Variants in ATG13 observed in about 807,000 individuals in gnomAD.
ATG13 encodes autophagy related 13.
Under a neutral mutation model 65.5 loss-of-function variants are expected in ATG13, and 23 were observed. That is an observed-to-expected ratio of 0.35 (90% CI 0.25 to 0.50). The LOEUF is 0.50. Ranked by LOEUF, ATG13 falls within the 20% of genes least tolerant of loss-of-function variation. The probability of loss-of-function intolerance (pLI) is 0.98; values close to 1 mark genes in which losing one functional copy is unlikely to be tolerated. For synonymous variants in ATG13, 252 were observed against 245.2 expected, an observed-to-expected ratio of 1.03 and a Z score of -0.26; for missense variants, 566 against 677.0, an observed-to-expected ratio of 0.84 and a Z score of 1.82.
At chr11:46,630,352 G>C (rs921625222) in intron 2 of ATG13, among the ~76,000 whole-genome samples, 1 of 152,160 alleles carries the variant, frequency 6.6e-6, no homozygotes, top group Non-Finnish European at 1.5e-5. Context: ...AATGGTTCCA[G>C]ACTGGAGGTT....
At position 46,633,457 on chromosome 11, in the gene ATG13, T is replaced by C. The variant is rs540105744; in HGVS notation, c.-14+3357T>C. 2.5e-3 allele frequency among the ~76,000 whole-genome samples: 377 copies of C among 151,592 alleles called. 2 individuals carry two copies. Among genetic ancestry groups the C allele is most frequent in the African/African-American group, 8.8e-3 (364 of 41,294 alleles). On this transcript the variant is annotated intron_variant, in intron 2 of 18. Coordinates refer to ENST00000683050, the MANE Select transcript of ATG13 (RefSeq NM_001346311.2). ...CCGCCCCCTGTATTCAAGTGATTCTTGTGCCTCAGCCTCTTGAGTAGCTGG... is the reference window on the plus strand; with the variant it reads ...CCGCCCCCTGTATTCAAGTGATTCTCGTGCCTCAGCCTCTTGAGTAGCTGG...
chr11:46,663,945 C>CTTTTTTTTTTTTTTTTTTTTTTTTTCT, intron 11 of ATG13, 52 bp from the exon 12 acceptor site: 1 of 763,270 alleles, frequency 1.3e-6, no homozygotes, highest in Non-Finnish European at 2.0e-6. Context: ...AGTCCCTTTT[C>CTTTTTTTTTTTTTTTTTTTTTTTTTCT]TTTTTTTTTT....
chr11:46,619,663 C>G (rs988333039), intron 1 of ATG13, among the ~76,000 whole-genome samples: 10 of 151,886 alleles, frequency 6.6e-5, no homozygotes, highest in African/African-American at 2.4e-4. Context: ...GCTGGGATTA[C>G]AGACATGAGC....
chr11:46,645,861 G>A lies in ATG13; in HGVS notation c.151-9G>A, dbSNP rs769242909. On this transcript the variant is annotated splice_polypyrimidine_tract_variant and intron_variant, in intron 4 of 18. Transcript: ENST00000683050. ...AGTGTTTCATGCAAAAGTCCCTTTT[G>A]TTTTCCAGTTCAACTTAGCAATCAA... The A allele has an allele frequency of 1.2e-6, 2 of 1,613,874 alleles. No homozygotes were observed. The highest frequency in any genetic ancestry group is 8.5e-7 in the Non-Finnish European group (1 of 1,179,926).
At chr11:46,648,310 G>C (rs1239180929) in intron 5 of ATG13, among the ~76,000 whole-genome samples, 1 of 152,128 alleles carries the variant, frequency 6.6e-6, no homozygotes, top group African/African-American at 2.4e-5. Flanking sequence ...TTACAGGCGT[G>C]AGCCACCATG....
intron 2 of ATG13, among the ~76,000 whole-genome samples, chr11:46,638,956 T>C (rs900992267): frequency 3.0e-4 from 45 of 151,836 alleles, no homozygotes; most frequent in African/African-American, 1.1e-3. Context: ...TACAGGCATG[T>C]GCCACCACAC....
intron 2 of ATG13, chr11:46,631,136 T>C (rs923408416): frequency 6.6e-6 from 1 of 152,238 alleles, no homozygotes. Context: ...GAAGATAATT[T>C]AGATAAATAT....
rs1565661308 is a variant in ATG13 at position 46,673,923 on chromosome 11, C to A, written c.*1591C>A. On this transcript the variant is annotated 3_prime_UTR_variant, in exon 19 of 19. Coordinates refer to ENST00000683050, the MANE Select transcript of ATG13 (RefSeq NM_001346311.2). ...CTGTTCCCACATACAAGGCTGACTT[C>A]TGAGGATTGGAGCAGGCTCTGGCGG... 1 of 152,204 alleles carries A rather than the reference C, an allele frequency of 6.6e-6. No individual in the cohort carries two copies. The highest frequency in any genetic ancestry group is 1.5e-5 in the Non-Finnish European group (1 of 68,056). 9.4% of individuals were successfully genotyped at this position (152,204 alleles called of 1,614,324 possible).
In ATG13 at chr11:46,674,467, A is replaced by G. The variant is rs1053889530; in HGVS notation, c.*2135A>G. The stretch of plus-strand genomic sequence containing the variant: ...CTACTTTGTTTGGAAATACCGAGCT[A>G]CACTTCAAAATGTATTCAAGGGATT... On this transcript the variant is annotated 3_prime_UTR_variant, in exon 19 of 19. Transcript: ENST00000683050. 6.6e-6 allele frequency: 1 copy of G among 152,142 alleles called. No individual in the cohort carries two copies. The highest frequency in any genetic ancestry group is 1.5e-5 in the Non-Finnish European group (1 of 68,042). The allele number at this position is 152,142 out of a possible 1,614,324, so 9.4% of individuals were successfully genotyped here.
At chr11:46,656,999 G>A in intron 8 of ATG13, 96 bp from the exon 9 acceptor site, 2 of 1,010,284 alleles carry the variant, frequency 2.0e-6, no homozygotes, top group Non-Finnish European at 3.1e-6. Context: ...TAATGCCAGA[G>A]ATTACACAAT....
chr11:46,657,774 A>C, intron 10 of ATG13, 152 bp downstream of exon 10: 1 of 641,774 alleles, frequency 1.6e-6, no homozygotes, highest in East Asian at 2.9e-5. Context: ...CAAATGGGCC[A>C]GTTTCCCTTC....
chr11:46,647,171 T>C (rs561027953), intron 5 of ATG13, among the ~76,000 whole-genome samples: 24 of 152,318 alleles, frequency 1.6e-4, no homozygotes, highest in African/African-American at 5.3e-4. Flanking sequence ...ATGGGAGATA[T>C]AACTGCAGTC....
At chr11:46,646,620 T>G (rs1014708597) in intron 5 of ATG13, among the ~76,000 whole-genome samples, 7 of 152,080 alleles carry the variant, frequency 4.6e-5, no homozygotes, top group African/African-American at 1.7e-4. Context: ...CCTACCACCA[T>G]GCCCAGCTAG....
In ATG13 at chr11:46,669,477, C is replaced by T. The variant is rs2063205152; in HGVS notation, c.1520C>T (p.Pro507Leu). ...TTCTATCGGGAGTTTCAGAACCCACCTCAGCTGAGCAGCCTCTCCATAGAT... is the reference window on the plus strand; with the variant it reads ...TTCTATCGGGAGTTTCAGAACCCACTTCAGCTGAGCAGCCTCTCCATAGAT... ...GTFYREFQNP[P>L]QLSSLSIDIG... Residue 507 changes from proline to leucine, a missense_variant, in exon 18 of 19, where the codon CCT (proline) becomes CTT (leucine). Coordinates refer to ENST00000683050, the MANE Select transcript of ATG13 (RefSeq NM_001346311.2). 6.2e-7 allele frequency: 1 copy of T among 1,614,154 alleles called. No homozygotes were observed. Among genetic ancestry groups the T allele is most frequent in the Non-Finnish European group, 8.5e-7 (1 of 1,180,004 alleles).
chr11:46,626,343 T>C (rs2049619541), intron 1 of ATG13, among the ~76,000 whole-genome samples: 1 of 152,036 alleles, frequency 6.6e-6, no homozygotes, highest in South Asian at 2.1e-4. Flanking sequence ...CTCTACCTCC[T>C]GGGTTCAGAT....
intron 2 of ATG13, among the ~76,000 whole-genome samples, chr11:46,643,103 C>A (rs930743895): frequency 6.6e-6 from 1 of 152,108 alleles, no homozygotes; most frequent in Admixed American, 6.6e-5. Flanking sequence ...TAGCCGAGTT[C>A]TGATTGGTTG....
chr11:46,637,784 A>G (rs1005853117), intron 2 of ATG13, among the ~76,000 whole-genome samples: 9 of 152,146 alleles, frequency 5.9e-5, no homozygotes, highest in Non-Finnish European at 1.0e-4. Context: ...ATAGTGGGGG[A>G]AAAAGGGAAG....
At chr11:46,634,480 C>T (rs2053202556) in intron 2 of ATG13, among the ~76,000 whole-genome samples, 1 of 148,150 alleles carries the variant, frequency 6.7e-6, no homozygotes, top group South Asian at 2.1e-4. Flanking sequence ...CTCACTGCAC[C>T]TCCGCCTCCC....
chr11:46,655,750 T>C (rs908001521), intron 7 of ATG13, among the ~76,000 whole-genome samples: 6 of 152,312 alleles, frequency 3.9e-5, no homozygotes, highest in African/African-American at 1.4e-4. Context: ...CCTCATTTCT[T>C]TTTTTGAGAC....
Sources: gnomAD v4.1 joint callset for allele counts (sites outside exome capture counted in the v4.1 genomes callset) on GRCh38, gnomAD v4.1.1 for gene constraint, MANE v1.5 for transcripts, NCBI Gene and HGNC (gene_info 2026-07-23, HGNC 2026-07-21) for gene names.